RAD51C: variants seen among roughly 807,000 people sequenced by gnomAD.
RAD51C encodes DNA repair protein RAD51 homolog 3.
Under a neutral mutation model 45.0 loss-of-function variants are expected in RAD51C, and 42 were observed. The observed-to-expected ratio is 0.93, with a 90% CI of 0.73 to 1.21. The LOEUF (loss-of-function observed/expected upper bound fraction) is 1.21, where lower values mean the gene tolerates loss of function less well. RAD51C is among the 50% of genes most tolerant of loss of function. The pLI, the probability that RAD51C is intolerant of heterozygous loss-of-function variation, is 0.00. For synonymous variants in RAD51C, 172 were observed against 159.8 expected (o/e 1.08, Z -0.58); for missense variants, 474 against 452.2 (o/e 1.05, Z -0.44).
In RAD51C at chr17:58,716,544, C is replaced by A. The variant is rs572206288; in HGVS notation, c.838-4202C>A. ...GTGGCGCGATCTTGGCTCACTGCAA[C>A]CTCCTCCTCCCGGGTTCACGCCATT... On this transcript the variant is annotated intron_variant, in intron 5 of 8. Coordinates refer to ENST00000337432, the MANE Select transcript of RAD51C (RefSeq NM_058216.3). Among the ~76,000 whole-genome samples, 7 of 139,892 alleles carry A rather than the reference C, an allele frequency of 5.0e-5. No individual in the cohort carries two copies. In the South Asian group the frequency reaches 1.6e-3, roughly 32 times the overall value. The allele number at this position is 139,892 out of a possible 152,430, so 91.8% of individuals were successfully genotyped here. A position where few individuals can be genotyped will look rare whatever the true frequency, so the allele number is the denominator to read the frequency against.
intron 1 of RAD51C, chr17:58,692,998 C>G: frequency 1.5e-6 from 1 of 677,482 alleles, no homozygotes. Flanking sequence ...TTACTAATTG[C>G]TTTTCCTCTG....
chr17:58,700,227 T>C (rs2048164568), intron 3 of RAD51C: 1 of 152,116 alleles, frequency 6.6e-6, no homozygotes, highest in Non-Finnish European at 1.5e-5. Context: ...CTATGCACAA[T>C]TAATAAACTC....
At chr17:58,712,124 G>A (rs144727081) in intron 5 of RAD51C, among the ~76,000 whole-genome samples, 5,353 of 151,812 alleles carry the variant, frequency 0.035, 148 homozygotes, top group East Asian at 0.077. Flanking sequence ...TGAGGTGGGC[G>A]GATCATGAGG....
chr17:58,729,409 G>T (rs2005139), intron 7 of RAD51C, among the ~76,000 whole-genome samples: 1,701 of 151,688 alleles, frequency 0.011, 37 homozygotes, highest in African/African-American at 0.039. Context: ...AGTTGAGATG[G>T]GGTTTCTCCA....
intron 5 of RAD51C, among the ~76,000 whole-genome samples, chr17:58,712,207 C>T (rs1015856110): frequency 4.0e-5 from 6 of 151,126 alleles, no homozygotes; most frequent in East Asian, 2.0e-4. Context: ...AATAGTCAGG[C>T]GTGGTGGCAT....
intron 4 of RAD51C, among the ~76,000 whole-genome samples, chr17:58,708,873 G>A (rs1598482568): frequency 6.7e-6 from 1 of 149,738 alleles, no homozygotes; most frequent in Admixed American, 6.7e-5. Context: ...CAGCCTGAAG[G>A]TTTTTTTGTT....
At chr17:58,723,332 C>G (rs936564250) in intron 6 of RAD51C, among the ~76,000 whole-genome samples, 2 of 147,760 alleles carry the variant, frequency 1.4e-5, no homozygotes, top group African/African-American at 5.0e-5. Context: ...GGTCTTTTTT[C>G]TTTTTAATGT....
intron 2 of RAD51C, among the ~76,000 whole-genome samples, chr17:58,695,860 A>T (rs2047985475): frequency 6.6e-6 from 1 of 151,814 alleles, no homozygotes. Flanking sequence ...TGAGATCAGG[A>T]GTTCAAGACC....
chr17:58,715,567 T>A (rs964805078), intron 5 of RAD51C, among the ~76,000 whole-genome samples: 2 of 152,092 alleles, frequency 1.3e-5, no homozygotes, highest in African/African-American at 4.8e-5. Context: ...TTGTCTTTTC[T>A]GGACATTTTA....
chr17:58,734,024 A>AC, intron 8 of RAD51C, 94 bp from the exon 9 acceptor site: 2 of 1,528,944 alleles, frequency 1.3e-6, no homozygotes, highest in Middle Eastern at 4.0e-4. Flanking sequence ...CCCTAGAATA[A>AC]AGTAGCTTTC....
intron 5 of RAD51C, among the ~76,000 whole-genome samples, chr17:58,719,159 G>A (rs1269113066): frequency 6.6e-6 from 1 of 151,960 alleles, no homozygotes; most frequent in Non-Finnish European, 1.5e-5. Context: ...GGGAGGCGGA[G>A]ATTGCAGTGA....
chr17:58,713,034 G>A (rs2048612725), intron 5 of RAD51C, among the ~76,000 whole-genome samples: 1 of 152,010 alleles, frequency 6.6e-6, no homozygotes, highest in African/African-American at 2.4e-5. Context: ...GCTGAGGTGG[G>A]AGTATTGCTT....
At chr17:58,692,979 T>A in intron 1 of RAD51C, 191 bp downstream of exon 1, 1 of 768,196 alleles carries the variant, frequency 1.3e-6, no homozygotes, top group African/African-American at 1.8e-5. Flanking sequence ...ACTGTGGTCG[T>A]GAAAACATTT....
chr17:58,720,283 G>C (rs1039822020), intron 5 of RAD51C, among the ~76,000 whole-genome samples: 1 of 150,700 alleles, frequency 6.6e-6, no homozygotes, highest in Non-Finnish European at 1.5e-5. Flanking sequence ...GGGTGTGGTG[G>C]TGGGCGCCTG....
intron 7 of RAD51C, among the ~76,000 whole-genome samples, chr17:58,725,890 G>C (rs1341599415): frequency 1.3e-5 from 2 of 151,620 alleles, no homozygotes; most frequent in African/African-American, 2.4e-5. Flanking sequence ...TACTCAGGAG[G>C]CTGAGGCAGG....
intron 3 of RAD51C, chr17:58,700,312 A>G (rs1046502066): frequency 1.3e-5 from 2 of 152,210 alleles, no homozygotes; most frequent in Admixed American, 1.3e-4. Flanking sequence ...GGTGGCAGGA[A>G]AAGGAGTTTT....
intron 4 of RAD51C, among the ~76,000 whole-genome samples, chr17:58,709,198 C>G (rs2143844383): frequency 6.6e-6 from 1 of 151,342 alleles, no homozygotes; most frequent in African/African-American, 2.4e-5. Context: ...CCTGCCTCAG[C>G]CTCCTGAGTA....
At chr17:58,718,740 T>C (rs974142580) in intron 5 of RAD51C, among the ~76,000 whole-genome samples, 1 of 152,160 alleles carries the variant, frequency 6.6e-6, no homozygotes, top group African/African-American at 2.4e-5. Context: ...CATCTACTTA[T>C]ATTGTACCTT....
At chr17:58,696,934 G>C (rs2048038777) in intron 3 of RAD51C, 75 bp downstream of exon 3, 2 of 1,500,820 alleles carry the variant, frequency 1.3e-6, no homozygotes, top group African/African-American at 1.4e-5. Context: ...TGAGACCTCA[G>C]CAACACTCCA....
Sources: gnomAD v4.1 joint callset for allele counts (sites outside exome capture counted in the v4.1 genomes callset) on GRCh38, gnomAD v4.1.1 for gene constraint, MANE v1.5 for transcripts, NCBI Gene and HGNC (gene_info 2026-07-23, HGNC 2026-07-21) for gene names.